The following CD274 variants were observed in gnomAD, a reference collection of about 807,000 sequenced individuals.
CD274 encodes the protein programmed cell death 1 ligand 1.
CD274 carries 8 observed loss-of-function variants against 30.1 expected under a neutral mutation model. The observed-to-expected ratio is 0.27, with a 90% CI of 0.16 to 0.48. The LOEUF (loss-of-function observed/expected upper bound fraction) is 0.48, where lower values mean the gene tolerates loss of function less well. CD274 is among the 20% of genes least tolerant of loss of function. The pLI, the probability that CD274 is intolerant of heterozygous loss-of-function variation, is 0.99. For synonymous variants in CD274, 152 were observed against 124.6 expected (o/e 1.22, Z -1.46); for missense variants, 353 against 346.6 (o/e 1.02, Z -0.15).
At chr9:5,457,041 T>C (rs1819316446) in intron 2 of CD274, 38 bp from the exon 3 acceptor site, 2 of 1,442,994 alleles carry the variant, frequency 1.4e-6, no homozygotes, top group Admixed American at 1.9e-5. Flanking sequence ...TTTCGAGGAA[T>C]TTTCCCTTTT....
chr9:5,458,304 A>G (rs943403014), intron 3 of CD274, among the ~76,000 whole-genome samples: 10 of 152,164 alleles, frequency 6.6e-5, no homozygotes, highest in Non-Finnish European at 2.9e-5. Flanking sequence ...AAAATCCCCC[A>G]GAGGATCTTC....
chr9:5,456,516 T>G (rs1230654171), intron 2 of CD274, among the ~76,000 whole-genome samples: 3 of 152,230 alleles, frequency 2.0e-5, no homozygotes, highest in Non-Finnish European at 4.4e-5. Context: ...CAGTCTTGGT[T>G]GCTCTGTGAC....
At position 5,457,219 on chromosome 9, in the gene CD274, A is replaced by T. The variant is rs2131211823; in HGVS notation, c.193A>T (p.Ile65Phe). ...VYWEMEDKNI[I>F]QFVHGEEDLK... ...TTGGGAAATGGAGGATAAGAACATT[A>T]TTCAATTTGTGCATGGAGAGGAAGA... The change falls in exon 3 of 7, where the codon ATT becomes TTT. Residue 65 changes from isoleucine (I) to phenylalanine (F), a missense_variant. By Grantham distance (21) the Ile-to-Phe change is conservative (BLOSUM62 0). Coordinates refer to ENST00000381577, the MANE Select transcript of CD274 (RefSeq NM_014143.4). 2 of 1,614,148 alleles carry T rather than the reference A, an allele frequency of 1.2e-6. No homozygotes were observed. Among genetic ancestry groups the T allele is most frequent in the Non-Finnish European group, 1.7e-6 (2 of 1,179,984 alleles).
rs2131223399 is a variant in CD274 at position 5,462,925 on chromosome 9, G to A, written c.486G>A (p.Lys162=). 6.2e-7 allele frequency: 1 copy of A among 1,614,046 alleles called. No individual in the cohort carries two copies. The highest frequency in any genetic ancestry group is 1.1e-5 in the South Asian group (1 of 91,086). The change falls in exon 4 of 7, where the codon AAG becomes AAA. Residue 162 remains lysine (K), a synonymous_variant. Transcript: ENST00000381577. ...CATGTCAGGCTGAGGGCTACCCCAA[G>A]GCCGAAGTCATCTGGACAAGCAGTG... The part of the protein sequence containing the change: ...ELTCQAEGYP[K]AEVIWTSSDH...
At chr9:5,453,390 A>T (rs1410866009) in intron 1 of CD274, among the ~76,000 whole-genome samples, 2 of 152,246 alleles carry the variant, frequency 1.3e-5, no homozygotes, top group Non-Finnish European at 2.9e-5. Flanking sequence ...AATTATCAAC[A>T]TGTGTTGAGA....
intron 1 of CD274, among the ~76,000 whole-genome samples, chr9:5,450,892 T>C (rs749699815): frequency 5.6e-4 from 86 of 152,376 alleles, no homozygotes; most frequent in Non-Finnish European, 7.1e-4. Context: ...TATGCGACTG[T>C]GTGTTCAGAA....
At chr9:5,463,160 C>A (rs1360654959) in intron 4 of CD274, 39 bp downstream of exon 4, 1 of 1,508,566 alleles carries the variant, frequency 6.6e-7, no homozygotes, top group Non-Finnish European at 9.2e-7. Flanking sequence ...ATGTCTAACA[C>A]TGTCCCCTAG....
At chr9:5,450,936 C>T (rs1036853410) in intron 1 of CD274, among the ~76,000 whole-genome samples, 1 of 152,202 alleles carries the variant, frequency 6.6e-6, no homozygotes. Flanking sequence ...GGTCTGGACA[C>T]GGGTCCAAGT....
Sources: gnomAD v4.1 joint callset for allele counts (sites outside exome capture counted in the v4.1 genomes callset) on GRCh38, gnomAD v4.1.1 for gene constraint, MANE v1.5 for transcripts, NCBI Gene and HGNC (gene_info 2026-07-23, HGNC 2026-07-21) for gene names.